CDH8: variants seen among roughly 807,000 people sequenced by gnomAD.
CDH8 encodes cadherin-8.
CDH8 carries 17 observed loss-of-function variants against 68.1 expected under a neutral mutation model. That is an observed-to-expected ratio of 0.25 (90% CI 0.17 to 0.37). CDH8 has a LOEUF of 0.37. CDH8 is among the 10% of genes least tolerant of loss of function. CDH8 has a pLI of 1.00. For synonymous variants in CDH8, 372 were observed against 365.1 expected (o/e 1.02, Z -0.21); for missense variants, 763 against 999.3 (o/e 0.76, Z 3.19).
At chr16:62,008,962 CACAT>C (rs987662191) in intron 2 of CDH8, among the ~76,000 whole-genome samples, 10 of 138,112 alleles carry the variant, frequency 7.2e-5, no homozygotes, top group African/African-American at 1.6e-4. Flanking sequence ...CACACACACA[CACAT>C]GAGTATGACA....
intron 2 of CDH8, among the ~76,000 whole-genome samples, chr16:61,903,725 G>A (rs533067612): frequency 2.0e-4 from 31 of 152,234 alleles, no homozygotes; most frequent in Middle Eastern, 3.4e-3. Flanking sequence ...CCTAGAAGAC[G>A]GGGATAAAGC....
intron 2 of CDH8, among the ~76,000 whole-genome samples, chr16:61,902,585 A>T (rs2143272904): frequency 6.6e-6 from 1 of 151,578 alleles, no homozygotes; most frequent in East Asian, 1.9e-4. Context: ...CCAAAAAAAA[A>T]AAAAAAAAAC....
intron 8 of CDH8, among the ~76,000 whole-genome samples, chr16:61,768,304 GTCTCTCCCTTTCTCTCTCTC>G (rs1960648248): frequency 2.7e-5 from 2 of 73,688 alleles, no homozygotes; most frequent in African/African-American, 1.0e-4. Flanking sequence ...CTCTCTCTGT[GTCTCTCCCTTTCTCTCTCTC>G]TCTCTCTCTC....
intron 2 of CDH8, among the ~76,000 whole-genome samples, chr16:61,908,535 A>G (rs905597636): frequency 6.6e-6 from 1 of 152,238 alleles, no homozygotes; most frequent in Non-Finnish European, 1.5e-5. Flanking sequence ...GCCTTCTTTC[A>G]TACTACAGAA....
In CDH8 at chr16:61,821,053, T is replaced by C. The variant is rs779531400; in HGVS notation, c.896A>G (p.Lys299Arg). 1 of 1,612,738 alleles carries C rather than the reference T, an allele frequency of 6.2e-7. No individual in the cohort carries two copies. The highest frequency in any genetic ancestry group is 8.5e-7 in the Non-Finnish European group (1 of 1,179,144). ...TTCACCAATATCCTGATCATTGGCCTTCACCCTTCCTATTGCAGTGCCAAG... is the reference window on the plus strand; with the variant it reads ...TTCACCAATATCCTGATCATTGGCCCTCACCCTTCCTATTGCAGTGCCAAG... ...VVLGTAIGRV[K>R]ANDQDIGENA... The change falls in exon 6 of 12, where the codon AAG becomes AGG. Residue 299 changes from lysine to arginine, a missense_variant. Around this residue, in one of 2 missense-constraint regions of CDH8, gnomAD observed 366 missense variants for 563.1 expected, o/e 0.65. Coordinates refer to ENST00000577390, the MANE Select transcript of CDH8 (RefSeq NM_001796.5).
chr16:61,979,883 C>T lies in CDH8; in HGVS notation c.252+41269G>A, dbSNP rs148512130. On this transcript the variant is annotated intron_variant, in intron 2 of 11. Transcript: ENST00000577390. ...TCCGCTTTCAAGACAGAGCAATTTA[C>T]CCCATTTGGAATCCACCTTGTTGAA... Among the ~76,000 whole-genome samples, 1,193 of 152,284 alleles carry T rather than the reference C, an allele frequency of 7.8e-3. 13 individuals are homozygous for T. Among genetic ancestry groups the T allele is most frequent in the East Asian group, 0.049 (253 of 5,168 alleles).
chr16:61,814,616 C>A (rs1234687029), intron 7 of CDH8, among the ~76,000 whole-genome samples: 1 of 152,114 alleles, frequency 6.6e-6, no homozygotes, highest in Non-Finnish European at 1.5e-5. Context: ...TAAACGTTAT[C>A]CTAAAAGATG....
chr16:61,966,030 G>A (rs1965246636), intron 2 of CDH8, among the ~76,000 whole-genome samples: 1 of 152,256 alleles, frequency 6.6e-6, no homozygotes, highest in East Asian at 1.9e-4. Flanking sequence ...ATAAAAAAAT[G>A]CTTGCAAGAT....
At chr16:61,878,336 A>C (rs1963502179) in intron 3 of CDH8, among the ~76,000 whole-genome samples, 1 of 152,182 alleles carries the variant, frequency 6.6e-6, no homozygotes, top group African/African-American at 2.4e-5. Flanking sequence ...TACCTACCTT[A>C]AAAGTGGTTG....
At chr16:61,933,127 A>G (rs1964572188) in intron 2 of CDH8, among the ~76,000 whole-genome samples, 1 of 152,214 alleles carries the variant, frequency 6.6e-6, no homozygotes, top group Admixed American at 6.5e-5. Flanking sequence ...TAAATATATG[A>G]AAAAGTAAAG....
chr16:61,651,485 G>A lies in CDH8; in HGVS notation c.*2123C>T, dbSNP rs189921186. 1 of 152,234 alleles carries A rather than the reference G, an allele frequency of 6.6e-6. No homozygotes were observed. Among genetic ancestry groups the A allele is most frequent in the African/African-American group, 2.4e-5 (1 of 41,530 alleles). The allele number at this position is 152,234 out of a possible 1,614,324, so 9.4% of individuals were successfully genotyped here. ...ATGCAGTTTCTGTCACAGTGAAGGT[G>A]GCCTCTAGAAGTTGGTGCGTTCAGC... On this transcript the variant is annotated 3_prime_UTR_variant, in exon 12 of 12. Transcript: ENST00000577390.
intron 8 of CDH8, among the ~76,000 whole-genome samples, chr16:61,751,598 T>C (rs978018825): frequency 9.2e-5 from 14 of 151,968 alleles, no homozygotes; most frequent in Non-Finnish European, 1.8e-4. Context: ...CATGAAAAAG[T>C]TGGTTCATGG....
In CDH8 at chr16:61,655,694, T is replaced by C; in HGVS notation, c.1682A>G (p.His561Arg). 1 of 1,614,074 alleles carries C rather than the reference T, an allele frequency of 6.2e-7. No individual in the cohort carries two copies. The highest frequency in any genetic ancestry group is 1.1e-5 in the South Asian group (1 of 91,076). The change falls in exon 11 of 12, where the codon CAT becomes CGT. Residue 561 changes from histidine to arginine, a missense_variant. His to Arg is a conservative substitution (Grantham distance 29, BLOSUM62 0). Around this residue, in one of 2 missense-constraint regions of CDH8, gnomAD observed 397 missense variants for 436.2 expected, o/e 0.91. Coordinates refer to ENST00000577390, the MANE Select transcript of CDH8 (RefSeq NM_001796.5). ...EDNSLSILAKHNGFNRQKQEV... is the reference protein window; with the variant it reads ...EDNSLSILAKRNGFNRQKQEV... ...TTGCTTCTGGCGGTTGAATCCATTA[T>C]GCTTTGCCAAAATACTGAGGGAATT...
chr16:62,025,929 A>G (rs1902188753), intron 1 of CDH8, among the ~76,000 whole-genome samples: 1 of 152,048 alleles, frequency 6.6e-6, no homozygotes, highest in Admixed American at 6.6e-5. Context: ...GAGATAACCA[A>G]ATTAAAGTAC....
chr16:61,878,762 C>A (rs1375750082), intron 3 of CDH8, among the ~76,000 whole-genome samples: 1 of 152,076 alleles, frequency 6.6e-6, no homozygotes, highest in Non-Finnish European at 1.5e-5. Context: ...CACATTAGTT[C>A]TCTAAATAAC....
intron 8 of CDH8, among the ~76,000 whole-genome samples, chr16:61,769,275 G>C (rs1960717455): frequency 6.6e-6 from 1 of 151,800 alleles, no homozygotes; most frequent in South Asian, 2.1e-4. Context: ...AAGAATAAAA[G>C]TCTGTTGCCC....
At chr16:62,025,554 G>A (rs565048489) in intron 1 of CDH8, among the ~76,000 whole-genome samples, 22 of 152,084 alleles carry the variant, frequency 1.4e-4, no homozygotes, top group Admixed American at 6.6e-5. Flanking sequence ...CCCAACTCAG[G>A]GGAAACCTTT....
intron 1 of CDH8, among the ~76,000 whole-genome samples, chr16:62,026,366 C>A (rs1285868146): frequency 6.6e-6 from 1 of 152,158 alleles, no homozygotes; most frequent in Non-Finnish European, 1.5e-5. Flanking sequence ...TTTCTTATAA[C>A]CTTCCTGCAG....
intron 7 of CDH8, among the ~76,000 whole-genome samples, chr16:61,798,202 T>C (rs1207465335): frequency 6.6e-6 from 1 of 152,210 alleles, no homozygotes; most frequent in African/African-American, 2.4e-5. Context: ...AAAAATGAAA[T>C]GCAGTTTTAC....
Sources: gnomAD v4.1 joint callset for allele counts (sites outside exome capture counted in the v4.1 genomes callset) on GRCh38, gnomAD v4.1.1 for gene constraint, gnomAD v4.1.1 regional missense constraint, MANE v1.5 for transcripts, NCBI Gene and HGNC (gene_info 2026-07-23, HGNC 2026-07-21) for gene names.